Variants in TEX14 observed in about 807,000 individuals in gnomAD.
The protein encoded by TEX14 is inactive serine/threonine-protein kinase TEX14.
Under a neutral mutation model 178.6 loss-of-function variants are expected in TEX14, and 168 were observed. The observed-to-expected ratio is 0.94, with a 90% CI of 0.83 to 1.07. The LOEUF is 1.07. Ranked by LOEUF, TEX14 falls within the 50% of genes least tolerant of loss-of-function variation. The probability of loss-of-function intolerance (pLI) is 0.00; values close to 1 mark genes in which losing one functional copy is unlikely to be tolerated. For missense variants in TEX14, 1,730 were observed against 1,753.6 expected (o/e 0.99, Z 0.24); for synonymous variants, 626 against 634.1 (o/e 0.99, Z 0.19).
chr17:58,680,087 T>A (rs937231934), intron 1 of TEX14, among the ~76,000 whole-genome samples: 1 of 152,130 alleles, frequency 6.6e-6, no homozygotes, highest in African/African-American at 2.4e-5. Context: ...TTTTCTTTTT[T>A]TTTCCCCCCA....
chr17:58,623,923 G>C (rs2046067966), intron 3 of TEX14, among the ~76,000 whole-genome samples: 1 of 152,076 alleles, frequency 6.6e-6, no homozygotes, highest in African/African-American at 2.4e-5. Context: ...TTACCAAGAT[G>C]CAATTACTAT....
intron 15 of TEX14, among the ~76,000 whole-genome samples, chr17:58,589,698 TA>T (rs1454293733): frequency 6.7e-6 from 1 of 149,446 alleles, no homozygotes; most frequent in Non-Finnish European, 1.5e-5. Context: ...GCTTCCTTTT[TA>T]AAAAAATAAA....
intron 1 of TEX14, chr17:58,660,592 T>A (rs1414523305): frequency 3.8e-6 from 3 of 796,470 alleles, no homozygotes; most frequent in Non-Finnish European, 4.6e-6. Flanking sequence ...CCATGTTCTG[T>A]CGGTTGCCGT....
At chr17:58,611,438 G>A in intron 9 of TEX14, 99 bp from the exon 10 acceptor site, 1 of 850,488 alleles carries the variant, frequency 1.2e-6, no homozygotes, top group Non-Finnish European at 1.9e-6. Flanking sequence ...TGATCCTCAT[G>A]GTTACCAAGG....
chr17:58,588,442 C>T (rs1397335610), intron 15 of TEX14, among the ~76,000 whole-genome samples: 5 of 152,152 alleles, frequency 3.3e-5, no homozygotes, highest in Admixed American at 2.0e-4. Flanking sequence ...TACACATGCA[C>T]GCCACCATGC....
intron 1 of TEX14, among the ~76,000 whole-genome samples, chr17:58,683,381 A>C (rs1009580746): frequency 6.1e-5 from 9 of 148,434 alleles, no homozygotes; most frequent in African/African-American, 1.7e-4. Context: ...CCCCCCCCCA[A>C]AAAAAAAAGG....
At chr17:58,573,053 C>T (rs893301658) in intron 23 of TEX14, 128 bp downstream of exon 23, 1 of 1,333,932 alleles carries the variant, frequency 7.5e-7, no homozygotes, top group Non-Finnish European at 1.0e-6. Context: ...CCAGTTTTGG[C>T]CCTAAAGAAA....
intron 1 of TEX14, among the ~76,000 whole-genome samples, chr17:58,691,263 A>G (rs1275756746): frequency 7.2e-5 from 11 of 152,188 alleles, no homozygotes; most frequent in Admixed American, 5.9e-4. Context: ...GGGATTTGCT[A>G]AAGTGCTCAA....
chr17:58,581,955 T>A (rs2044832034), intron 19 of TEX14, among the ~76,000 whole-genome samples: 1 of 152,294 alleles, frequency 6.6e-6, no homozygotes, highest in East Asian at 1.9e-4. Flanking sequence ...ATGCTAATCC[T>A]GAGCCTCAGC....
chr17:58,618,140 A>C (rs2144535727), intron 5 of TEX14, among the ~76,000 whole-genome samples: 1 of 152,348 alleles, frequency 6.6e-6, no homozygotes, highest in East Asian at 1.9e-4. Flanking sequence ...TCTGAGCCAG[A>C]ACAACCTAGT....
chr17:58,640,711 G>A (rs572998627), intron 2 of TEX14, among the ~76,000 whole-genome samples: 1 of 151,836 alleles, frequency 6.6e-6, no homozygotes, highest in Non-Finnish European at 1.5e-5. Flanking sequence ...GAAACAGAGA[G>A]ACGTGGTGGC....
chr17:58,626,308 G>C, intron 3 of TEX14, among the ~76,000 whole-genome samples: 1 of 137,240 alleles, frequency 7.3e-6, no homozygotes, highest in East Asian at 2.2e-4. Flanking sequence ...GCTCATGCCT[G>C]TAATCCTAGC....
Position 58,642,948 on chromosome 17 carries a change from G to A in TEX14, c.136+8918C>T, listed in dbSNP as rs1200676783. On this transcript the variant is annotated intron_variant, in intron 2 of 31. Transcript: ENST00000349033. ...TTTGTGTCCCTAATCATCCTTGTAT[G>A]GGCCTCTACATAGCTCACTCTGTTC... 2.0e-5 allele frequency among the ~76,000 whole-genome samples: 3 copies of A among 152,204 alleles called. No individual in the cohort carries two copies. The East Asian group carries it at 5.8e-4, about 29-fold the overall frequency.
At chr17:58,674,825 C>T (rs1029322654) in intron 1 of TEX14, among the ~76,000 whole-genome samples, 8 of 147,186 alleles carry the variant, frequency 5.4e-5, no homozygotes, top group African/African-American at 1.5e-4. Flanking sequence ...GATTTATCTT[C>T]GATGAGGCCT....
At chr17:58,622,421 G>A (rs2046019878) in intron 4 of TEX14, among the ~76,000 whole-genome samples, 1 of 151,328 alleles carries the variant, frequency 6.6e-6, no homozygotes, top group South Asian at 2.1e-4. Context: ...ACTCCAGCCT[G>A]GGCAAGACTC....
intron 2 of TEX14, among the ~76,000 whole-genome samples, chr17:58,649,616 A>G (rs2046796486): frequency 6.6e-6 from 1 of 152,234 alleles, no homozygotes. Flanking sequence ...TCTAGGAGAT[A>G]ATAAATGTCA....
At chr17:58,591,716 A>G (rs1373039834) in intron 15 of TEX14, among the ~76,000 whole-genome samples, 2 of 151,498 alleles carry the variant, frequency 1.3e-5, no homozygotes, top group Admixed American at 6.6e-5. Context: ...TCCACAGGAA[A>G]AAAAAAAAAC....
chr17:58,682,235 C>A (rs1598438545), intron 1 of TEX14, among the ~76,000 whole-genome samples: 1 of 151,962 alleles, frequency 6.6e-6, no homozygotes, highest in East Asian at 1.9e-4. Context: ...AGGCATGGAA[C>A]CACCATGCCC....
At chr17:58,573,382 C>T in intron 22 of TEX14, 74 bp from the exon 23 acceptor site, 2 of 1,458,066 alleles carry the variant, frequency 1.4e-6, no homozygotes, top group East Asian at 4.6e-5. Flanking sequence ...CTGAGAGGTA[C>T]TTTTTAAGTA....
Sources: allele counts gnomAD v4.1 joint callset (sites outside exome capture counted in the v4.1 genomes callset), GRCh38; gene constraint gnomAD v4.1.1; transcripts MANE v1.5; gene names NCBI Gene and HGNC (gene_info 2026-07-23, HGNC 2026-07-21).